MXD1: variants seen among roughly 807,000 people sequenced by gnomAD.
MXD1 encodes MAX-binding protein.
Under a neutral mutation model 25.7 loss-of-function variants are expected in MXD1, and 9 were observed. The observed-to-expected ratio is 0.35, with a 90% confidence interval of 0.21 to 0.61. The LOEUF (loss-of-function observed/expected upper bound fraction) is 0.61, where lower values mean the gene tolerates loss of function less well. Ranked by LOEUF, MXD1 falls within the 20% of genes least tolerant of loss-of-function variation. The pLI is 0.75. For synonymous variants in MXD1, 99 were observed against 113.9 expected, an observed-to-expected ratio of 0.87 and a Z score of 0.83; for missense variants, 227 against 292.4, an observed-to-expected ratio of 0.78 and a Z score of 1.63.
At chr2:69,918,727 A>C (rs1677005499) in intron 2 of MXD1, among the ~76,000 whole-genome samples, 1 of 151,964 alleles carries the variant, frequency 6.6e-6, no homozygotes, top group African/African-American at 2.4e-5. Context: ...GTTTTTTTTT[A>C]TTAGAGTGTA....
At chr2:69,929,372 A>G (rs945207293) in intron 3 of MXD1, among the ~76,000 whole-genome samples, 3 of 152,252 alleles carry the variant, frequency 2.0e-5, no homozygotes, top group Admixed American at 6.5e-5. Flanking sequence ...AGATAGCACC[A>G]TCTACCTAAT....
intron 3 of MXD1, among the ~76,000 whole-genome samples, chr2:69,926,427 C>T (rs530003789): frequency 6.6e-6 from 1 of 151,616 alleles, no homozygotes; most frequent in Non-Finnish European, 1.5e-5. Flanking sequence ...CCCCTAAATT[C>T]TTTGGGGAGT....
At chr2:69,918,547 G>A (rs1033286928) in intron 2 of MXD1, among the ~76,000 whole-genome samples, 2 of 152,168 alleles carry the variant, frequency 1.3e-5, no homozygotes, top group African/African-American at 2.4e-5. Flanking sequence ...TCTTAAAAGT[G>A]TGTTTTGTTC....
intron 3 of MXD1, among the ~76,000 whole-genome samples, chr2:69,934,688 A>G (rs1181538882): frequency 6.6e-6 from 1 of 152,200 alleles, no homozygotes. Flanking sequence ...ATAGCATGGT[A>G]TACTCACAGT....
intron 2 of MXD1, among the ~76,000 whole-genome samples, chr2:69,916,905 TA>T (rs1357282427): frequency 6.6e-6 from 1 of 152,214 alleles, no homozygotes; most frequent in Non-Finnish European, 1.5e-5. Context: ...CATGGTCAGT[TA>T]AATCACATAT....
chr2:69,941,672 C>G lies in MXD1; in HGVS notation c.*3388C>G, dbSNP rs1449620101. The G allele has an allele frequency of 6.6e-6, 1 of 152,154 alleles. No homozygotes were observed. Among genetic ancestry groups the G allele is most frequent in the African/African-American group, 2.4e-5 (1 of 41,424 alleles). The allele number at this position is 152,154 out of a possible 1,614,324, so 9.4% of individuals were successfully genotyped here. The stretch of plus-strand genomic sequence containing the variant: ...CCTGAGTTTCCTATGGGCCTCTCTT[C>G]TGCATCCCCAAAGCGGCCAAGAGCA... On this transcript the variant is annotated 3_prime_UTR_variant, in exon 6 of 6. Transcript: ENST00000264444.
chr2:69,929,117 T>TG (rs1295254208), intron 3 of MXD1, among the ~76,000 whole-genome samples: 5 of 152,166 alleles, frequency 3.3e-5, no homozygotes, highest in Non-Finnish European at 5.9e-5. Context: ...GGTCTCAAAC[T>TG]CCTGGCCTCA....
intron 3 of MXD1, among the ~76,000 whole-genome samples, chr2:69,934,407 C>T (rs1238060566): frequency 1.3e-5 from 2 of 152,212 alleles, no homozygotes; most frequent in African/African-American, 4.8e-5. Context: ...TGGAGCAACT[C>T]TCGTGCTCTC....
At chr2:69,933,051 T>G (rs1026960937) in intron 3 of MXD1, among the ~76,000 whole-genome samples, 1 of 151,760 alleles carries the variant, frequency 6.6e-6, no homozygotes, top group African/African-American at 2.4e-5. Flanking sequence ...ATACAAAAAT[T>G]AGCCGGACGT....
intron 5 of MXD1, 126 bp downstream of exon 5, chr2:69,937,520 C>T (rs1275616958): frequency 1.2e-5 from 11 of 934,042 alleles, no homozygotes; most frequent in Middle Eastern, 3.4e-4. Flanking sequence ...GTAGAGAAGT[C>T]GAACAGTGTG....
At chr2:69,934,957 C>T (rs1345062332) in intron 3 of MXD1, among the ~76,000 whole-genome samples, 9 of 152,078 alleles carry the variant, frequency 5.9e-5, no homozygotes, top group Non-Finnish European at 8.8e-5. Flanking sequence ...AGAAGCCCAT[C>T]ATAAATAAAA....
intron 3 of MXD1, among the ~76,000 whole-genome samples, chr2:69,927,653 T>C (rs747424655): frequency 1.3e-5 from 2 of 152,230 alleles, no homozygotes; most frequent in Non-Finnish European, 2.9e-5. Context: ...GGTATGATTA[T>C]AATATATATG....
At chr2:69,924,742 A>G (rs1331393374) in intron 3 of MXD1, among the ~76,000 whole-genome samples, 1 of 103,980 alleles carries the variant, frequency 9.6e-6, no homozygotes, top group Non-Finnish European at 1.8e-5. Flanking sequence ...AAAGATTGCC[A>G]TGGCTCTCAA....
chr2:69,931,539 T>G (rs899934130), intron 3 of MXD1, among the ~76,000 whole-genome samples: 2 of 152,220 alleles, frequency 1.3e-5, no homozygotes, highest in Non-Finnish European at 2.9e-5. Context: ...TAGTACTCCA[T>G]TATGTATATG....
intron 2 of MXD1, among the ~76,000 whole-genome samples, chr2:69,919,333 C>T (rs1677017586): frequency 6.6e-6 from 1 of 152,172 alleles, no homozygotes; most frequent in East Asian, 1.9e-4. Context: ...CATATACTTT[C>T]ATCCATTTTA....
rs1677508439 is a variant in MXD1, at chr2:69,938,306, C to CT, written c.*23dup. 2.5e-6 allele frequency: 4 copies of CT among 1,611,146 alleles called. No homozygotes were observed. The South Asian group carries it at 3.3e-5, about 13-fold the overall frequency. ...CTAAGAGAGTGGGCACTGCGGCTGT[C>CT]TCCTTGAAGGTTCTCCCTGTTGGTT... On this transcript the variant is annotated 3_prime_UTR_variant, in exon 6 of 6. Transcript: ENST00000264444.
Position 69,938,348 on chromosome 2 carries a change from T to C in MXD1, c.*64T>C, listed in dbSNP as rs1677509308. On this transcript the variant is annotated 3_prime_UTR_variant, in exon 6 of 6. Transcript: ENST00000264444. ...CTGTTGGTTCTGATTAGGTAACGTA[T>C]TGGACCTGCCCACAACTCCCTTGCA... 2 of 1,535,680 alleles carry C rather than the reference T, an allele frequency of 1.3e-6. No individual in the cohort carries two copies. Among genetic ancestry groups the C allele is most frequent in the Admixed American group, 1.8e-5 (1 of 56,498 alleles).
At chr2:69,917,349 C>A (rs1368502584) in intron 2 of MXD1, among the ~76,000 whole-genome samples, 1 of 152,190 alleles carries the variant, frequency 6.6e-6, no homozygotes, top group Non-Finnish European at 1.5e-5. Context: ...GTAGGTTTTG[C>A]TTGTCCTCCC....
chr2:69,929,835 C>A (rs887520022), intron 3 of MXD1, among the ~76,000 whole-genome samples: 8 of 152,108 alleles, frequency 5.3e-5, no homozygotes, highest in Non-Finnish European at 1.2e-4. Flanking sequence ...AGGTCTGTTT[C>A]TGGGGATTTC....
Sources: allele counts gnomAD v4.1 joint callset (sites outside exome capture counted in the v4.1 genomes callset), GRCh38; gene constraint gnomAD v4.1.1; transcripts MANE v1.5; gene names NCBI Gene and HGNC (gene_info 2026-07-23, HGNC 2026-07-21).